The following INSR variants were observed in gnomAD, a reference collection of about 807,000 sequenced individuals.
INSR encodes IR.
A neutral mutation model predicts 142.6 loss-of-function variants in INSR; 67 were observed. The observed-to-expected ratio is 0.47, with a 90% CI of 0.39 to 0.58. The LOEUF (loss-of-function observed/expected upper bound fraction) is 0.58, where lower values mean the gene tolerates loss of function less well. Ranked by LOEUF, INSR falls within the 20% of genes least tolerant of loss-of-function variation. The pLI is 0.00. For synonymous variants in INSR, 756 were observed against 743.1 expected, an observed-to-expected ratio of 1.02 and a Z score of -0.28; for missense variants, 1,248 against 1,833.2, an observed-to-expected ratio of 0.68 and a Z score of 5.83.
intron 2 of INSR, among the ~76,000 whole-genome samples, chr19:7,209,684 G>A (rs1196844462): frequency 6.6e-6 from 1 of 152,006 alleles, no homozygotes; most frequent in Admixed American, 6.6e-5. Context: ...AAAGTGCTGG[G>A]ATTACAGGTG....
At chr19:7,199,560 CTTTTTTTT>C (rs3084138) in intron 2 of INSR, among the ~76,000 whole-genome samples, 1 of 78,686 alleles carries the variant, frequency 1.3e-5, no homozygotes, top group African/African-American at 5.2e-5. Flanking sequence ...ACTGCGACAG[CTTTTTTTT>C]TTTTTTTTTT....
Position 7,293,883 on chromosome 19 carries a change from G to C in INSR, c.9C>G (p.Thr3=). The change falls in exon 1 of 22, where the codon ACC becomes ACG. Residue 3 remains threonine (T), a synonymous_variant. Transcript: ENST00000302850. MA[T]GGRRGAAAAP... ...CGGCCGCCGCCCCCCGCCGGCCCCCGGTGGCCATGGCTGCGGGAGCGCGGG... is the reference window on the plus strand; with the variant it reads ...CGGCCGCCGCCCCCCGCCGGCCCCCCGTGGCCATGGCTGCGGGAGCGCGGG... 2 of 1,232,362 alleles carry C rather than the reference G, an allele frequency of 1.6e-6. No homozygotes were observed. The highest frequency in any genetic ancestry group is 2.0e-6 in the Non-Finnish European group (2 of 993,266). The allele number at this position is 1,232,362 out of a possible 1,614,324, so 76.3% of individuals were successfully genotyped here. A position where few individuals can be genotyped will look rare whatever the true frequency, so the allele number is the denominator to read the frequency against.
At chr19:7,189,030 G>T (rs903679581) in intron 2 of INSR, among the ~76,000 whole-genome samples, 3 of 152,034 alleles carry the variant, frequency 2.0e-5, no homozygotes, top group Admixed American at 1.3e-4. Flanking sequence ...ACTACAGAGG[G>T]TATCTATAAT....
intron 2 of INSR, among the ~76,000 whole-genome samples, chr19:7,233,817 A>G (rs1376259530): frequency 6.6e-6 from 1 of 150,854 alleles, no homozygotes; most frequent in Admixed American, 6.6e-5. Flanking sequence ...CTGGGACTAC[A>G]GGCGCCCGCC....
At position 7,152,860 on chromosome 19, in the gene INSR, C is replaced by T. The variant is rs1228634277; in HGVS notation, c.2097G>A (p.Gln699=). The part of the protein sequence containing the change: ...FESEDSQKHN[Q]SEYEDSAGEC... The stretch of plus-strand genomic sequence containing the variant: ...CGCCGGCCGAATCCTCATACTCACT[C>T]TGGTTGTGCTTCTGAGAATCTTCAG... The change falls in exon 10 of 22, where the codon CAG becomes CAA. Residue 699 remains glutamine, a synonymous_variant. Coordinates refer to ENST00000302850, the MANE Select transcript of INSR (RefSeq NM_000208.4). The T allele has an allele frequency of 6.2e-7, 1 of 1,613,374 alleles. No homozygotes were observed.
intron 13 of INSR, among the ~76,000 whole-genome samples, chr19:7,137,267 T>TAA (rs11299975): frequency 2.1e-5 from 3 of 145,662 alleles, no homozygotes; most frequent in African/African-American, 5.2e-5. Context: ...GTTTCTAAAT[T>TAA]AAAAAAAAAA....
chr19:7,288,119 G>GCCCA (rs1968391430), intron 1 of INSR, among the ~76,000 whole-genome samples: 2 of 151,920 alleles, frequency 1.3e-5, no homozygotes, highest in African/African-American at 4.8e-5. Context: ...CAGCACTTGG[G>GCCCA]AGGCCCAGGA....
intron 9 of INSR, among the ~76,000 whole-genome samples, chr19:7,157,938 A>G (rs146663794): frequency 6.6e-6 from 1 of 152,010 alleles, no homozygotes; most frequent in East Asian, 1.9e-4. Flanking sequence ...TCTTAAGTTT[A>G]TAAATAGACA....
chr19:7,207,549 G>A (rs1975137114), intron 2 of INSR, among the ~76,000 whole-genome samples: 2 of 151,804 alleles, frequency 1.3e-5, no homozygotes, highest in African/African-American at 4.8e-5. Flanking sequence ...GTTGGAAAGA[G>A]GGAAAATATC....
intron 2 of INSR, among the ~76,000 whole-genome samples, chr19:7,252,537 G>A (rs1390150956): frequency 6.6e-6 from 1 of 152,164 alleles, no homozygotes; most frequent in Non-Finnish European, 1.5e-5. Context: ...CCTGGGACAA[G>A]AGCCTTGTTC....
At chr19:7,162,523 A>G (rs1307928509) in intron 9 of INSR, among the ~76,000 whole-genome samples, 1 of 146,296 alleles carries the variant, frequency 6.8e-6, no homozygotes, top group East Asian at 2.1e-4. Flanking sequence ...AAAAAAAAAA[A>G]AAATAGGCCG....
intron 9 of INSR, among the ~76,000 whole-genome samples, chr19:7,158,495 C>T (rs572769684): frequency 2.6e-3 from 396 of 151,920 alleles, no homozygotes; most frequent in Non-Finnish European, 3.3e-3. Flanking sequence ...AGCGAGACTC[C>T]GTCTCAAAAA....
intron 3 of INSR, among the ~76,000 whole-genome samples, chr19:7,176,451 A>G (rs761424994): frequency 2.6e-5 from 4 of 152,176 alleles, no homozygotes; most frequent in Non-Finnish European, 4.4e-5. Context: ...AAATACAAAA[A>G]TTAACCAGGT....
In INSR at chr19:7,120,628, A is replaced by G. The variant is rs752667089; in HGVS notation, c.3651T>C (p.Ser1217=). Residue 1217 remains serine, a synonymous_variant, in exon 20 of 22, where the codon TCT becomes TCC. Transcript: ENST00000302850. ...ATCCACACACAACTCACCACATGTCAGAAGAAGTGGTGAAGACCCCATCCT... is the reference window on the plus strand; with the variant it reads ...ATCCACACACAACTCACCACATGTCGGAAGAAGTGGTGAAGACCCCATCCT... ...SLKDGVFTTS[S]DMWSFGVVLW... The G allele has an allele frequency of 6.2e-7, 1 of 1,614,132 alleles. No individual in the cohort carries two copies. Among genetic ancestry groups the G allele is most frequent in the Non-Finnish European group, 8.5e-7 (1 of 1,179,988 alleles).
In INSR at chr19:7,150,509, G is replaced by A; in HGVS notation, c.2255C>T (p.Ala752Val). The A allele has an allele frequency of 1.2e-6, 2 of 1,614,168 alleles. No homozygotes were observed. Among genetic ancestry groups the A allele is most frequent in the South Asian group, 1.1e-5 (1 of 91,068 alleles). The change falls in exon 11 of 22, where the codon GCC (alanine) becomes GTC (valine). Residue 752 changes from alanine (A) to valine (V), a missense_variant. Around this residue, in one of 3 missense-constraint regions of INSR, gnomAD observed 1,069 missense variants for 1,654.0 expected, o/e 0.65. Coordinates refer to ENST00000302850, the MANE Select transcript of INSR (RefSeq NM_000208.4). This position sits in a 1 kb window ranked among gnomAD's most constrained non-coding sequence, Gnocchi z 4.2. ...VPRKTSSGTGAEDPRPSRKRR... is the reference protein window; with the variant it reads ...VPRKTSSGTGVEDPRPSRKRR... Reference sequence around the variant, plus strand: ...AGGTGAGTCATACCTAGGGTCCTCGGCACCAGTGCCTGAAGAGGTTTTTCT... The same window carrying A: ...AGGTGAGTCATACCTAGGGTCCTCGACACCAGTGCCTGAAGAGGTTTTTCT...
chr19:7,175,116 T>C (rs1438632232), intron 3 of INSR, among the ~76,000 whole-genome samples: 1 of 152,086 alleles, frequency 6.6e-6, no homozygotes, highest in African/African-American at 2.4e-5. Context: ...AGTGCTGGGA[T>C]TACAGGTGTG....
intron 2 of INSR, among the ~76,000 whole-genome samples, chr19:7,197,516 G>GTGGGTGTGTGTGTGTGTGTGTGTGTGTGT: frequency 1.4e-5 from 1 of 70,924 alleles, no homozygotes; most frequent in African/African-American, 6.1e-5. Context: ...TGGGAGTGGG[G>GTGGGTGTGTGTGTGTGTGTGTGTGTGTGT]GTGTGTGTGT....
intron 2 of INSR, among the ~76,000 whole-genome samples, chr19:7,236,632 G>A (rs1451559096): frequency 6.6e-6 from 1 of 152,108 alleles, no homozygotes; most frequent in African/African-American, 2.4e-5. Context: ...AAATTACTTA[G>A]TCTCACTCTT....
At chr19:7,273,643 C>A (rs909462868) in intron 1 of INSR, among the ~76,000 whole-genome samples, 22 of 151,476 alleles carry the variant, frequency 1.5e-4, no homozygotes, top group African/African-American at 5.3e-4. Context: ...CTCAGCCTCC[C>A]GAGTAGCTGG....
Sources: gnomAD v4.1 joint callset for allele counts (sites outside exome capture counted in the v4.1 genomes callset) on GRCh38, gnomAD v4.1.1 for gene constraint, gnomAD v4.1.1 regional missense constraint, Gnocchi (gnomAD v3.1) non-coding constraint, MANE v1.5 for transcripts, NCBI Gene and HGNC (gene_info 2026-07-23, HGNC 2026-07-21) for gene names.